The following ITGA9 variants were observed in gnomAD, a reference collection of about 807,000 sequenced individuals.
ITGA9 encodes integrin subunit alpha 9, also known as integrin alpha-9.
ITGA9 carries 56 observed loss-of-function variants against 127.8 expected under a neutral mutation model. The observed-to-expected ratio is 0.44, with a 90% CI of 0.35 to 0.55. The LOEUF is 0.55. Among genes scored for constraint, ITGA9 ranks in the 20% least tolerant of loss-of-function variants. The pLI, the probability that ITGA9 is intolerant of heterozygous loss-of-function variation, is 0.00. For synonymous variants in ITGA9, 508 were observed against 514.5 expected (o/e 0.99, Z 0.17); for missense variants, 1,196 against 1,347.1 (o/e 0.89, Z 1.76).
intron 15 of ITGA9, among the ~76,000 whole-genome samples, chr3:37,563,162 A>G (rs1699510906): frequency 6.6e-6 from 1 of 152,158 alleles, no homozygotes. Context: ...TAGATTAGTG[A>G]TCCATTTTGA....
Position 37,513,837 on chromosome 3 carries a change from G to T in ITGA9, c.972G>T (p.Gly324=), listed in dbSNP as rs550386278. ...ACGGCCTCTCTGACCTGCTGGTGGG[G>T]GCCCCCATGTTTTCTGAGATCAGGG... The part of the protein sequence containing the change: ...NGDGLSDLLV[G]APMFSEIRDE... Residue 324 remains glycine (G), a synonymous_variant, in exon 9 of 28, where the codon GGG becomes GGT. Coordinates refer to ENST00000264741, the MANE Select transcript of ITGA9 (RefSeq NM_002207.3). The T allele has an allele frequency of 6.2e-7, 1 of 1,613,854 alleles. No homozygotes were observed. The highest frequency in any genetic ancestry group is 1.7e-5 in the Admixed American group (1 of 60,016).
chr3:37,797,253 G>C (rs1697184683), intron 26 of ITGA9, among the ~76,000 whole-genome samples: 1 of 152,060 alleles, frequency 6.6e-6, no homozygotes, highest in Admixed American at 6.5e-5. Flanking sequence ...AATCACTTGA[G>C]CCCACCTCAA....
intron 15 of ITGA9, among the ~76,000 whole-genome samples, chr3:37,599,394 A>G (rs1699896928): frequency 1.3e-5 from 2 of 152,188 alleles, no homozygotes; most frequent in Admixed American, 6.5e-5. Context: ...AATGCCTATC[A>G]TCATCCAGCA....
rs775302152 is a variant in ITGA9, at chr3:37,542,601, C to A, written c.1689+16C>A. 1 of 1,613,678 alleles carries A rather than the reference C, an allele frequency of 6.2e-7. No homozygotes were observed. The highest frequency in any genetic ancestry group is 1.7e-5 in the Admixed American group (1 of 60,012). On this transcript the variant is annotated intron_variant, in intron 15 of 27. Transcript: ENST00000264741. Reference sequence around the variant, plus strand: ...CCATGTGAAGGTCAGTCCTCTCCTCCTTTTTATCCTCAAACTTTGATCTCT... The same window carrying A: ...CCATGTGAAGGTCAGTCCTCTCCTCATTTTTATCCTCAAACTTTGATCTCT...
At chr3:37,510,812 C>G (rs1188078978) in intron 8 of ITGA9, among the ~76,000 whole-genome samples, 1 of 152,136 alleles carries the variant, frequency 6.6e-6, no homozygotes, top group East Asian at 1.9e-4. Context: ...CCATAGGCAC[C>G]CCTTCTTTCT....
chr3:37,581,103 G>A (rs1440029756), intron 15 of ITGA9, among the ~76,000 whole-genome samples: 1 of 152,184 alleles, frequency 6.6e-6, no homozygotes. Context: ...AGTGCTCTGG[G>A]AAGCAGGGAA....
chr3:37,744,140 G>T, intron 22 of ITGA9, 106 bp downstream of exon 22: 1 of 804,004 alleles, frequency 1.2e-6, no homozygotes, highest in Non-Finnish European at 2.2e-6. Context: ...ACCCTTCTGT[G>T]GTTGGCTGGT....
At chr3:37,661,351 C>T (rs1226339335) in intron 17 of ITGA9, among the ~76,000 whole-genome samples, 1 of 152,158 alleles carries the variant, frequency 6.6e-6, no homozygotes, top group African/African-American at 2.4e-5. Flanking sequence ...TCAGAGGACC[C>T]CTGGCCTCTC....
At chr3:37,748,866 A>G in intron 22 of ITGA9, 1 of 1,202,512 alleles carries the variant, frequency 8.3e-7, no homozygotes, top group African/African-American at 1.5e-5. Context: ...AAGGAGCCTG[A>G]GCTGCTGGAA....
intron 15 of ITGA9, among the ~76,000 whole-genome samples, chr3:37,605,054 G>A (rs1181021135): frequency 6.6e-6 from 1 of 152,168 alleles, no homozygotes; most frequent in Non-Finnish European, 1.5e-5. Flanking sequence ...AATAATTAGG[G>A]GTTGATTGTT....
At chr3:37,763,037 A>G (rs1696740615) in intron 23 of ITGA9, among the ~76,000 whole-genome samples, 1 of 152,234 alleles carries the variant, frequency 6.6e-6, no homozygotes, top group Non-Finnish European at 1.5e-5. Flanking sequence ...GGATATTTTT[A>G]TACACATGTT....
chr3:37,470,595 T>C (rs1281548562), intron 1 of ITGA9, among the ~76,000 whole-genome samples: 1 of 152,232 alleles, frequency 6.6e-6, no homozygotes, highest in African/African-American at 2.4e-5. Context: ...AGGAACCTTT[T>C]GTTGGTTGTA....
rs1318407726 is a variant in ITGA9, at chr3:37,508,550, A to G, written c.829-9A>G. The G allele has an allele frequency of 6.3e-7, 1 of 1,594,220 alleles. No individual in the cohort carries two copies. Among genetic ancestry groups the G allele is most frequent in the Non-Finnish European group, 8.5e-7 (1 of 1,171,214 alleles). ...ATCCTAACTAGATTTTTTTTTTTTC[A>G]TTCCATAGGTTTATATTTTCAGAGC... On this transcript the variant is annotated splice_polypyrimidine_tract_variant and intron_variant, in intron 7 of 27. Coordinates refer to ENST00000264741, the MANE Select transcript of ITGA9 (RefSeq NM_002207.3).
At chr3:37,456,027 G>A (rs1482370881) in intron 1 of ITGA9, among the ~76,000 whole-genome samples, 1 of 152,158 alleles carries the variant, frequency 6.6e-6, no homozygotes. Context: ...GTGTAAGTGT[G>A]GGGGTGATCT....
intron 24 of ITGA9, among the ~76,000 whole-genome samples, chr3:37,779,485 TAATA>T (rs1314193888): frequency 1.3e-5 from 2 of 152,120 alleles, no homozygotes; most frequent in African/African-American, 4.8e-5. Context: ...TTCACCTACC[TAATA>T]AATAGGCATG....
At chr3:37,818,435 G>GT (rs1697468962) in intron 27 of ITGA9, 2 of 174,288 alleles carry the variant, frequency 1.1e-5, no homozygotes, top group Admixed American at 1.1e-4. Context: ...GCTAATTTTT[G>GT]TATTTTTAGT....
chr3:37,568,017 C>T (rs1699564501), intron 15 of ITGA9, among the ~76,000 whole-genome samples: 1 of 152,206 alleles, frequency 6.6e-6, no homozygotes, highest in Non-Finnish European at 1.5e-5. Context: ...AGGCTCTGAC[C>T]CCACATTTCC....
chr3:37,749,762 G>A (rs1351466078), intron 22 of ITGA9: 1 of 153,138 alleles, frequency 6.5e-6, no homozygotes, highest in East Asian at 1.9e-4. Flanking sequence ...TTGTGCAAGT[G>A]ATGAGCTGCA....
intron 17 of ITGA9, among the ~76,000 whole-genome samples, chr3:37,670,274 T>C (rs961108226): frequency 6.6e-6 from 1 of 152,156 alleles, no homozygotes; most frequent in Non-Finnish European, 1.5e-5. Flanking sequence ...TCTTCTTATA[T>C]GCCTTCAGAA....
Sources: allele counts gnomAD v4.1 joint callset (sites outside exome capture counted in the v4.1 genomes callset), GRCh38; gene constraint gnomAD v4.1.1; transcripts MANE v1.5; gene names NCBI Gene and HGNC (gene_info 2026-07-23, HGNC 2026-07-21).